The following DLG1 variants were observed in gnomAD, a reference collection of about 807,000 sequenced individuals.
DLG1 encodes the protein disks large homolog 1.
A neutral mutation model predicts 123.4 loss-of-function variants in DLG1; 42 were observed. The ratio of observed to expected loss-of-function variants is 0.34; its 90% CI spans 0.27 to 0.44. The LOEUF (loss-of-function observed/expected upper bound fraction) is 0.44. Ranked by LOEUF, DLG1 falls within the 20% of genes least tolerant of loss-of-function variation. The pLI is 1.00. For synonymous variants in DLG1, 317 were observed against 356.2 expected (o/e 0.89, Z 1.24); for missense variants, 942 against 1,082.6 (o/e 0.87, Z 1.82).
chr3:197,288,486 C>G (rs988272324), intron 3 of DLG1, among the ~76,000 whole-genome samples: 1 of 151,176 alleles, frequency 6.6e-6, no homozygotes, highest in Non-Finnish European at 1.5e-5. Flanking sequence ...CTTCGAGAGG[C>G]TGAGGCGGGC....
intron 5 of DLG1, among the ~76,000 whole-genome samples, chr3:197,166,611 C>T (rs1412892837): frequency 2.0e-5 from 3 of 152,236 alleles, no homozygotes; most frequent in East Asian, 1.9e-4. Context: ...ACAACATGGC[C>T]GGGCACGGAG....
At chr3:197,124,581 TAA>T (rs1778076263) in intron 11 of DLG1, among the ~76,000 whole-genome samples, 1 of 152,076 alleles carries the variant, frequency 6.6e-6, no homozygotes, top group African/African-American at 2.4e-5. Context: ...GTCTCTTTTT[TAA>T]GAGATGGGTC....
chr3:197,228,758 C>T (rs1741272537), intron 4 of DLG1, among the ~76,000 whole-genome samples: 1 of 152,138 alleles, frequency 6.6e-6, no homozygotes, highest in South Asian at 2.1e-4. Context: ...ATCCCAGATA[C>T]ATTCAGCCAA....
At chr3:197,238,235 G>A (rs917830582) in intron 4 of DLG1, among the ~76,000 whole-genome samples, 4 of 152,076 alleles carry the variant, frequency 2.6e-5, no homozygotes, top group Non-Finnish European at 4.4e-5. Flanking sequence ...AAAAAATGTC[G>A]AAGTTTCCCT....
In DLG1 at chr3:197,209,854, C is replaced by T. The variant is rs1730424610; in HGVS notation, c.319-15265G>A. Among the ~76,000 whole-genome samples the T allele has an allele frequency of 1.4e-5, 2 of 146,560 alleles. 1 individual carries two copies. The highest frequency in any genetic ancestry group is 4.9e-5 in the African/African-American group (2 of 41,166). On this transcript the variant is annotated intron_variant, in intron 4 of 24. Coordinates refer to ENST00000667157, the MANE Select transcript of DLG1 (RefSeq NM_001366207.1). ...CTATGTAGTAAAGAATTTAACCTTG[C>T]TTTTAGCTCCCTCCAAACCCTTGGA...
chr3:197,116,742 G>C (rs1264686145), intron 12 of DLG1, among the ~76,000 whole-genome samples: 9 of 152,054 alleles, frequency 5.9e-5, no homozygotes, highest in Admixed American at 1.3e-4. Flanking sequence ...TACTGGTTTG[G>C]ACATATTATA....
At chr3:197,089,128 G>C (rs779063668) in intron 15 of DLG1, among the ~76,000 whole-genome samples, 21 of 152,332 alleles carry the variant, frequency 1.4e-4, no homozygotes, top group African/African-American at 4.8e-4. Context: ...GGAGGTGAAG[G>C]AAGTTTGCTA....
intron 4 of DLG1, among the ~76,000 whole-genome samples, chr3:197,235,518 A>G (rs1353026558): frequency 2.6e-5 from 4 of 151,966 alleles, no homozygotes; most frequent in Non-Finnish European, 5.9e-5. Flanking sequence ...AAACACTTGT[A>G]GTAATCAGTG....
intron 5 of DLG1, among the ~76,000 whole-genome samples, chr3:197,191,484 TA>T (rs1232387567): frequency 6.6e-6 from 1 of 152,160 alleles, no homozygotes; most frequent in Non-Finnish European, 1.5e-5. Flanking sequence ...CCAAAATAAC[TA>T]CTAAAATACC....
intron 13 of DLG1, among the ~76,000 whole-genome samples, chr3:197,110,793 T>C (rs1451597552): frequency 6.6e-6 from 1 of 152,088 alleles, no homozygotes; most frequent in Non-Finnish European, 1.5e-5. Flanking sequence ...ACCTGAAACT[T>C]ACAAATCTTC....
chr3:197,119,834 G>A (rs1032261296), intron 11 of DLG1, among the ~76,000 whole-genome samples: 3 of 152,164 alleles, frequency 2.0e-5, no homozygotes, highest in Admixed American at 6.5e-5. Flanking sequence ...ATAAAAATCA[G>A]AGGCTTTCCA....
At chr3:197,153,802 TAAG>T (rs934030034) in intron 5 of DLG1, among the ~76,000 whole-genome samples, 9 of 152,092 alleles carry the variant, frequency 5.9e-5, no homozygotes, top group Admixed American at 4.6e-4. Context: ...AGAAAATATC[TAAG>T]AAGACCCTAC....
At chr3:197,092,053 TACA>T (rs1408412988) in intron 14 of DLG1, among the ~76,000 whole-genome samples, 1 of 152,302 alleles carries the variant, frequency 6.6e-6, no homozygotes, top group East Asian at 1.9e-4. Flanking sequence ...CTTTCAAAAT[TACA>T]ACAAAACACT....
At chr3:197,227,621 T>C (rs745464338) in intron 4 of DLG1, among the ~76,000 whole-genome samples, 20 of 152,230 alleles carry the variant, frequency 1.3e-4, no homozygotes, top group Non-Finnish European at 2.2e-4. Flanking sequence ...TATTTTGCTA[T>C]ACACCAGAAA....
intron 1 of DLG1, chr3:197,297,715 C>T (rs1778194203): frequency 2.0e-6 from 2 of 987,442 alleles, no homozygotes; most frequent in Non-Finnish European, 2.4e-6. Flanking sequence ...CAGCGGGGGC[C>T]GGACAGGGCA....
intron 5 of DLG1, among the ~76,000 whole-genome samples, chr3:197,180,066 TTG>T (rs796724917): frequency 0.042 from 3,463 of 82,534 alleles, 109 homozygotes; most frequent in African/African-American, 0.13. Flanking sequence ...TGTTTTTTTT[TTG>T]GGGGGGGGGG....
chr3:197,122,481 C>G (rs1043940156), intron 11 of DLG1, among the ~76,000 whole-genome samples: 3 of 151,846 alleles, frequency 2.0e-5, no homozygotes, highest in African/African-American at 7.3e-5. Context: ...AGAAAATGAA[C>G]AGTATAAAGA....
At chr3:197,139,873 A>T (rs1302749768) in intron 8 of DLG1, among the ~76,000 whole-genome samples, 3 of 152,212 alleles carry the variant, frequency 2.0e-5, no homozygotes, top group Non-Finnish European at 2.9e-5. Context: ...GATTTCTATA[A>T]ATATGCTCAC....
chr3:197,092,120 T>C (rs1327256835), intron 14 of DLG1, among the ~76,000 whole-genome samples: 1 of 152,188 alleles, frequency 6.6e-6, no homozygotes, highest in Non-Finnish European at 1.5e-5. Context: ...CATAATTAAA[T>C]AAATATCAAT....
Sources: allele counts gnomAD v4.1 joint callset (sites outside exome capture counted in the v4.1 genomes callset), GRCh38; gene constraint gnomAD v4.1.1; transcripts MANE v1.5; gene names NCBI Gene and HGNC (gene_info 2026-07-23, HGNC 2026-07-21).